ADCY3: variants seen among roughly 807,000 people sequenced by gnomAD.
ADCY3 encodes the protein adenylate cyclase 3.
Under a neutral mutation model 119.4 loss-of-function variants are expected in ADCY3, and 70 were observed. The observed-to-expected ratio is 0.59, with a 90% CI of 0.48 to 0.72. The LOEUF (loss-of-function observed/expected upper bound fraction) is 0.72. Among genes scored for constraint, ADCY3 ranks in the 30% least tolerant of loss-of-function variants. The probability of loss-of-function intolerance (pLI) is 0.00; values close to 1 mark genes in which losing one functional copy is unlikely to be tolerated. For missense variants in ADCY3, 1,238 were observed against 1,541.6 expected (o/e 0.80, Z 3.30); for synonymous variants, 672 against 621.4 (o/e 1.08, Z -1.21).
At chr2:24,889,623 G>A (rs1398235725) in intron 2 of ADCY3, among the ~76,000 whole-genome samples, 1 of 152,180 alleles carries the variant, frequency 6.6e-6, no homozygotes, top group African/African-American at 2.4e-5. Context: ...GGCCACTTGA[G>A]GTCAGGAGTT....
intron 2 of ADCY3, among the ~76,000 whole-genome samples, chr2:24,903,452 C>A (rs1363875586): frequency 1.3e-5 from 2 of 152,032 alleles, no homozygotes; most frequent in Non-Finnish European, 1.5e-5. Context: ...GCCCTGAGAC[C>A]AGCCGGGTCT....
At chr2:24,837,975 T>A (rs371863694) in intron 8 of ADCY3, among the ~76,000 whole-genome samples, 1 of 151,944 alleles carries the variant, frequency 6.6e-6, no homozygotes, top group East Asian at 1.9e-4. Flanking sequence ...ACCCCTGCTC[T>A]ATTACTTCTA....
At chr2:24,882,706 T>C (rs574042779) in intron 2 of ADCY3, among the ~76,000 whole-genome samples, 1 of 152,286 alleles carries the variant, frequency 6.6e-6, no homozygotes, top group African/African-American at 2.4e-5. Flanking sequence ...GCGGACCCCA[T>C]ACTGGGCCCT....
chr2:24,876,310 A>G (rs904047660), intron 2 of ADCY3, among the ~76,000 whole-genome samples: 4 of 152,158 alleles, frequency 2.6e-5, no homozygotes, highest in Admixed American at 2.0e-4. Context: ...TAAAACTGAA[A>G]TTTAGATAGT....
chr2:24,827,407 A>G, intron 15 of ADCY3, 139 bp downstream of exon 15: 1 of 865,876 alleles, frequency 1.2e-6, no homozygotes, highest in Non-Finnish European at 1.8e-6. Flanking sequence ...GGAGGAACCC[A>G]TGCCAGCTTC....
chr2:24,852,233 T>C (rs961097623), intron 3 of ADCY3, among the ~76,000 whole-genome samples: 7 of 152,034 alleles, frequency 4.6e-5, no homozygotes, highest in African/African-American at 1.4e-4. Context: ...CTCTGATGTG[T>C]CTCCCAGCAC....
Position 24,898,728 on chromosome 2 carries a change from C to A in ADCY3, c.675+19585G>T, listed in dbSNP as rs567311209. 3.4e-4 allele frequency among the ~76,000 whole-genome samples: 52 copies of A among 152,266 alleles called. No individual in the cohort carries two copies. Among genetic ancestry groups the A allele is most frequent in the Admixed American group, 9.2e-4 (14 of 15,298 alleles). On this transcript the variant is annotated intron_variant, in intron 2 of 21. Transcript: ENST00000679454. This position sits in a 1 kb window ranked among gnomAD's most constrained non-coding sequence, Gnocchi z 4.3. The stretch of plus-strand genomic sequence containing the variant: ...GGCTCCAGGTCTCTGGGGAGACAAC[C>A]CTTGCCTGGGGAAGCCTGGGAGGTT...
intron 2 of ADCY3, among the ~76,000 whole-genome samples, chr2:24,883,498 G>A (rs1206591803): frequency 6.6e-6 from 1 of 152,234 alleles, no homozygotes; most frequent in Admixed American, 6.5e-5. Flanking sequence ...TGAAAACACA[G>A]AGCTTTCACA....
At chr2:24,833,246 G>A (rs1669836394) in intron 11 of ADCY3, among the ~76,000 whole-genome samples, 1 of 152,214 alleles carries the variant, frequency 6.6e-6, no homozygotes, top group Admixed American at 6.5e-5. Context: ...ACCCTGCAGT[G>A]GCGTGTAGGA....
At chr2:24,826,278 C>G in intron 15 of ADCY3, 152 bp from the exon 16 acceptor site, 2 of 659,356 alleles carry the variant, frequency 3.0e-6, no homozygotes, top group South Asian at 4.1e-5. Context: ...TCGGGCTCCC[C>G]CGGGCAGTAA....
chr2:24,834,438 C>A lies in ADCY3; in HGVS notation c.1967+47G>T, dbSNP rs2148507271. ...ACCTGCCCCCGCCCCCCGCCCGGCA[C>A]CACCGCAGCCGAGGAAACTCGTGGC... On this transcript the variant is annotated intron_variant, in intron 11 of 21. Coordinates refer to ENST00000679454, the MANE Select transcript of ADCY3 (RefSeq NM_004036.5). The surrounding 1 kb of genome is among the most constrained non-coding windows in gnomAD (Gnocchi z 4.2). The A allele has an allele frequency of 7.4e-7, 1 of 1,346,182 alleles. No homozygotes were observed. The highest frequency in any genetic ancestry group is 1.0e-6 in the Non-Finnish European group (1 of 984,198). The allele number at this position is 1,346,182 out of a possible 1,614,324, so 83.4% of individuals were successfully genotyped here.
chr2:24,831,904 C>T (rs182324814), intron 11 of ADCY3, among the ~76,000 whole-genome samples, 155 bp from the exon 12 acceptor site: 11,078 of 62,338 alleles, frequency 0.18, 764 homozygotes, highest in East Asian at 0.28. Flanking sequence ...CAGGGGACAG[C>T]GGACAGGGGC....
chr2:24,870,899 T>C (rs539408409), intron 3 of ADCY3, among the ~76,000 whole-genome samples: 61 of 152,312 alleles, frequency 4.0e-4, no homozygotes, highest in African/African-American at 1.4e-3. Flanking sequence ...TGAGGAAAAG[T>C]GAGGCTCTGT....
intron 2 of ADCY3, among the ~76,000 whole-genome samples, chr2:24,891,045 A>G (rs956733732): frequency 1.3e-5 from 2 of 151,636 alleles, no homozygotes; most frequent in African/African-American, 4.8e-5. Context: ...ATTTTTTCAT[A>G]TTTTAGTAGA....
rs370437393 is a variant in ADCY3 at position 24,824,546 on chromosome 2, C to A, written c.2578-10G>T. On this transcript the variant is annotated splice_polypyrimidine_tract_variant and intron_variant, in intron 16 of 21. Coordinates refer to ENST00000679454, the MANE Select transcript of ADCY3 (RefSeq NM_004036.5). ...GTGCCAGTTTTTCTACCTACAGACA[C>A]AGACAAGGCGAGGCATGTGCTCTAA... 10 of 1,613,642 alleles carry A rather than the reference C, an allele frequency of 6.2e-6. No individual in the cohort carries two copies. The highest frequency in any genetic ancestry group is 8.5e-6 in the Non-Finnish European group (10 of 1,179,710).
At chr2:24,821,839 A>G in intron 19 of ADCY3, 199 bp from the exon 20 acceptor site, 1 of 697,834 alleles carries the variant, frequency 1.4e-6, no homozygotes. Flanking sequence ...AGGTCTAGGC[A>G]AAGACTGGGC....
At chr2:24,890,302 G>C (rs1472926309) in intron 2 of ADCY3, among the ~76,000 whole-genome samples, 1 of 152,098 alleles carries the variant, frequency 6.6e-6, no homozygotes, top group Non-Finnish European at 1.5e-5. Flanking sequence ...TAACGTCTTT[G>C]TCTGGTTTTG....
intron 2 of ADCY3, among the ~76,000 whole-genome samples, chr2:24,904,568 TGGA>T (rs1181988415): frequency 1.3e-5 from 2 of 152,266 alleles, no homozygotes; most frequent in East Asian, 3.9e-4. Flanking sequence ...TTTGTCTCTG[TGGA>T]GAACTTCATG....
intron 3 of ADCY3, among the ~76,000 whole-genome samples, chr2:24,870,157 T>TA (rs35100474): frequency 0.39 from 55,428 of 140,888 alleles, 10,580 homozygotes; most frequent in East Asian, 0.44. Flanking sequence ...ACTAAAAATA[T>TA]AAAAAAAAAA....
Sources: gnomAD v4.1 joint callset for allele counts (sites outside exome capture counted in the v4.1 genomes callset) on GRCh38, gnomAD v4.1.1 for gene constraint, Gnocchi (gnomAD v3.1) non-coding constraint, MANE v1.5 for transcripts, NCBI Gene and HGNC (gene_info 2026-07-23, HGNC 2026-07-21) for gene names.